The following DIP2C variants were observed in gnomAD, a reference collection of about 807,000 sequenced individuals.
The protein encoded by DIP2C is disco-interacting protein 2 homolog C.
DIP2C carries 33 observed loss-of-function variants against 192.4 expected under a neutral mutation model. The ratio of observed to expected loss-of-function variants is 0.17; its 90% CI spans 0.13 to 0.23. DIP2C has a LOEUF of 0.23. Ranked by LOEUF, DIP2C falls within the 10% of genes least tolerant of loss-of-function variation. The pLI is 1.00. For synonymous variants in DIP2C, 979 were observed against 864.1 expected, an observed-to-expected ratio of 1.13 and a Z score of -2.33; for missense variants, 1,537 against 2,110.1, an observed-to-expected ratio of 0.73 and a Z score of 5.32.
intron 10 of DIP2C, among the ~76,000 whole-genome samples, chr10:397,373 T>C (rs1411398633): frequency 6.6e-6 from 1 of 151,820 alleles, no homozygotes; most frequent in Non-Finnish European, 1.5e-5. Context: ...CTACTAAAAA[T>C]ACAAAAATTA....
intron 1 of DIP2C, among the ~76,000 whole-genome samples, chr10:507,735 C>A (rs537414400): frequency 6.6e-6 from 1 of 152,146 alleles, no homozygotes; most frequent in Non-Finnish European, 1.5e-5. Context: ...TCAGTACTGA[C>A]GATTGAAGAT....
intron 2 of DIP2C, among the ~76,000 whole-genome samples, chr10:483,907 C>T (rs1564772949): frequency 6.6e-6 from 1 of 152,156 alleles, no homozygotes; most frequent in Non-Finnish European, 1.5e-5. Flanking sequence ...GCCTTGACTT[C>T]TTGGATTCAA....
At chr10:603,447 A>T (rs750747842) in intron 1 of DIP2C, among the ~76,000 whole-genome samples, 2 of 151,968 alleles carry the variant, frequency 1.3e-5, no homozygotes, top group African/African-American at 2.4e-5. Flanking sequence ...GATGTGCTTG[A>T]AGTTTTAATC....
intron 9 of DIP2C, 112 bp from the exon 10 acceptor site, chr10:399,331 C>G: frequency 1.4e-6 from 1 of 739,252 alleles, no homozygotes; most frequent in Non-Finnish European, 2.3e-6. Context: ...GAACCAGATC[C>G]TATGTAAAAT....
At chr10:518,068 C>T (rs571701203) in intron 1 of DIP2C, among the ~76,000 whole-genome samples, 3 of 152,328 alleles carry the variant, frequency 2.0e-5, no homozygotes, top group South Asian at 2.1e-4. Context: ...AAGCACACCC[C>T]GATATCACCA....
chr10:517,951 T>C (rs1846463220), intron 1 of DIP2C, among the ~76,000 whole-genome samples: 1 of 152,198 alleles, frequency 6.6e-6, no homozygotes, highest in South Asian at 2.1e-4. Context: ...AATCATGCTA[T>C]TCCTACACCT....
At chr10:428,198 T>C (rs1000011425) in intron 4 of DIP2C, among the ~76,000 whole-genome samples, 3 of 152,146 alleles carry the variant, frequency 2.0e-5, no homozygotes, top group African/African-American at 7.2e-5. Context: ...CTAAAAACCA[T>C]AAAATCATAA....
chr10:636,036 G>C lies in DIP2C; in HGVS notation c.85+53458C>G, dbSNP rs1447939749. ...TGCTCATCTCAAAACTGTACAAGTG[G>C]TTTCTTTAGCCAGTTCTCCACATTC... is the stretch of plus-strand genomic sequence containing the variant. On this transcript the variant is annotated intron_variant, in intron 1 of 36. Coordinates refer to ENST00000280886, the MANE Select transcript of DIP2C (RefSeq NM_014974.3). The surrounding 1 kb of genome is among the most constrained non-coding windows in gnomAD (Gnocchi z 4.6). Among the ~76,000 whole-genome samples the C allele has an allele frequency of 6.6e-6, 1 of 152,238 alleles. No individual in the cohort carries two copies. The highest frequency in any genetic ancestry group is 2.4e-5 in the African/African-American group (1 of 41,456).
intron 23 of DIP2C, 94 bp downstream of exon 23, chr10:357,734 G>C (rs1000489746): frequency 2.7e-5 from 24 of 899,694 alleles, no homozygotes; most frequent in Non-Finnish European, 4.1e-5. Flanking sequence ...GGAAGGTAGG[G>C]GACAGTCGGG....
At chr10:477,864 G>A (rs1488337492) in intron 2 of DIP2C, among the ~76,000 whole-genome samples, 5 of 129,192 alleles carry the variant, frequency 3.9e-5, no homozygotes, top group Non-Finnish European at 6.5e-5. Context: ...AGTGAAGGAA[G>A]CAGAGAGAAG....
chr10:534,899 A>G (rs1466923835), intron 1 of DIP2C, among the ~76,000 whole-genome samples: 1 of 150,724 alleles, frequency 6.6e-6, no homozygotes, highest in African/African-American at 2.4e-5. Context: ...GATGGTCTCG[A>G]TCTCCTGACC....
At chr10:328,193 T>G (rs553012590) in intron 30 of DIP2C, among the ~76,000 whole-genome samples, 1 of 152,344 alleles carries the variant, frequency 6.6e-6, no homozygotes, top group African/African-American at 2.4e-5. Flanking sequence ...CAGACACGAC[T>G]GTACACACAG....
At chr10:323,612 T>C (rs1339237979) in intron 31 of DIP2C, among the ~76,000 whole-genome samples, 1 of 152,208 alleles carries the variant, frequency 6.6e-6, no homozygotes, top group African/African-American at 2.4e-5. Flanking sequence ...CTTAATTTTT[T>C]GTGTTTTTGA....
rs145799646 is a variant in DIP2C, at chr10:572,162, C to G, written c.86-85632G>C. On this transcript the variant is annotated intron_variant, in intron 1 of 36. Coordinates refer to ENST00000280886, the MANE Select transcript of DIP2C (RefSeq NM_014974.3). ...CCTCAGCCTGCCGGGAGCTGGGGCC[C>G]TCGACAGCCTCATGGCTCCACACGC... Among the ~76,000 whole-genome samples, 877 of 152,348 alleles carry G rather than the reference C, an allele frequency of 5.8e-3. 11 individuals carry two copies. The highest frequency in any genetic ancestry group is 0.02 in the African/African-American group (836 of 41,580).
intron 29 of DIP2C, among the ~76,000 whole-genome samples, chr10:331,824 T>A (rs148645128): frequency 9.5e-4 from 145 of 152,364 alleles, no homozygotes; most frequent in African/African-American, 3.3e-3. Flanking sequence ...ATATCAGGCC[T>A]CGAATTTTTA....
chr10:503,077 G>A (rs1845357842), intron 1 of DIP2C, among the ~76,000 whole-genome samples: 1 of 148,916 alleles, frequency 6.7e-6, no homozygotes, highest in Non-Finnish European at 1.5e-5. Context: ...ATTCCGCCAA[G>A]ACGCCTACCT....
chr10:362,187 G>A (rs1366602732), intron 22 of DIP2C, among the ~76,000 whole-genome samples: 1 of 152,154 alleles, frequency 6.6e-6, no homozygotes, highest in Non-Finnish European at 1.5e-5. Flanking sequence ...TAGAAAGTGA[G>A]AGCACCGTGG....
At chr10:437,792 C>T (rs1014657265) in intron 4 of DIP2C, 4 of 152,140 alleles carry the variant, frequency 2.6e-5, no homozygotes, top group African/African-American at 9.7e-5. Context: ...AGAGTTTCTC[C>T]AGAAACTATG....
chr10:602,388 G>C (rs981131088), intron 1 of DIP2C, among the ~76,000 whole-genome samples: 25 of 152,188 alleles, frequency 1.6e-4, no homozygotes, highest in African/African-American at 5.8e-4. Flanking sequence ...GCAGAGCAAT[G>C]GCTCTGGCCT....
Sources: gnomAD v4.1 joint callset for allele counts (sites outside exome capture counted in the v4.1 genomes callset) on GRCh38, gnomAD v4.1.1 for gene constraint, Gnocchi (gnomAD v3.1) non-coding constraint, MANE v1.5 for transcripts, NCBI Gene and HGNC (gene_info 2026-07-23, HGNC 2026-07-21) for gene names.